IL36B: variants seen among roughly 807,000 people sequenced by gnomAD.
The protein encoded by IL36B is interleukin-36 beta.
Under a neutral mutation model 19.3 loss-of-function variants are expected in IL36B, and 23 were observed. That is an observed-to-expected ratio of 1.19 (90% confidence interval 0.86 to 1.69). The LOEUF (loss-of-function observed/expected upper bound fraction) is 1.69, where lower values mean the gene tolerates loss of function less well. IL36B is among the 40% of genes most tolerant of loss of function. IL36B has a pLI of 0.00. For synonymous variants in IL36B, 59 were observed against 59.7 expected (o/e 0.99, Z 0.05); for missense variants, 217 against 200.5 (o/e 1.08, Z -0.50).
chr2:113,025,038 G>A (rs770684479), intron 5 of IL36B, among the ~76,000 whole-genome samples: 2 of 152,130 alleles, frequency 1.3e-5, no homozygotes, highest in African/African-American at 2.4e-5. Context: ...AATACATGTG[G>A]GGAAAGGCTT....
intron 4 of IL36B, among the ~76,000 whole-genome samples, chr2:113,026,962 A>G (rs1328491028): frequency 6.6e-6 from 1 of 152,224 alleles, no homozygotes; most frequent in Non-Finnish European, 1.5e-5. Flanking sequence ...AAATTCATGT[A>G]TAACTGTTGA....
At chr2:113,041,617 T>C (rs1287387344) in intron 1 of IL36B, among the ~76,000 whole-genome samples, 6 of 152,214 alleles carry the variant, frequency 3.9e-5, no homozygotes, top group African/African-American at 1.4e-4. Flanking sequence ...AATAAAAACT[T>C]ACTTATTAGG....
rs1159414648 is a variant in IL36B at position 113,031,679 on chromosome 2, T to C, written c.13+18A>G. The stretch of plus-strand genomic sequence containing the variant: ...CAGATGGAGATATTTCCAAGCTGAT[T>C]TGCAATTCACCACTTACGTTGTGGG... On this transcript the variant is annotated intron_variant, in intron 2 of 5. Transcript: ENST00000259213. 4.4e-6 allele frequency: 7 copies of C among 1,605,192 alleles called. No individual in the cohort carries two copies. In the African/African-American group the frequency reaches 9.4e-5, roughly 21 times the overall value.
chr2:113,026,669 A>C (rs549190390), intron 4 of IL36B, among the ~76,000 whole-genome samples: 1 of 152,364 alleles, frequency 6.6e-6, no homozygotes, highest in South Asian at 2.1e-4. Flanking sequence ...CAACTGGCTT[A>C]AAAGTATCCC....
At chr2:113,031,026 A>C in intron 3 of IL36B, 22 bp downstream of exon 3, 3 of 1,528,156 alleles carry the variant, frequency 2.0e-6, no homozygotes, top group Admixed American at 1.7e-5. Flanking sequence ...AAGAAGCAAC[A>C]GTGGGTTTGA....
At chr2:113,037,746 A>G (rs900874128) in intron 1 of IL36B, among the ~76,000 whole-genome samples, 3 of 151,750 alleles carry the variant, frequency 2.0e-5, no homozygotes, top group African/African-American at 7.3e-5. Flanking sequence ...TATCCTTATG[A>G]TTGTCCTTTA....
Position 113,031,760 on chromosome 2 carries a change from G to A in IL36B, c.-51C>T. ...AGAACAAGATAGATCAGATGGTGGT[G>A]AGGAGGCTGTTAACAGTTGGCCATG... On this transcript the variant is annotated 5_prime_UTR_variant, in exon 2 of 6. Transcript: ENST00000259213. 1.3e-6 allele frequency: 2 copies of A among 1,485,644 alleles called. No individual in the cohort carries two copies. The highest frequency in any genetic ancestry group is 1.9e-6 in the Non-Finnish European group (2 of 1,066,924). 92.0% of individuals were successfully genotyped at this position (1,485,644 alleles called of 1,614,324 possible).
intron 4 of IL36B, chr2:113,028,107 A>AT (rs1317902004): frequency 3.1e-6 from 5 of 1,613,498 alleles, no homozygotes; most frequent in East Asian, 4.5e-5. Flanking sequence ...GGTCCATGAT[A>AT]TTTTTTTCCT....
At chr2:113,041,580 A>AG (rs1002731193) in intron 1 of IL36B, among the ~76,000 whole-genome samples, 24 of 151,626 alleles carry the variant, frequency 1.6e-4, no homozygotes, top group African/African-American at 5.3e-4. Flanking sequence ...CCATGAAAGA[A>AG]ATAAAGATTA....
chr2:113,027,125 C>A (rs529222403), intron 4 of IL36B, among the ~76,000 whole-genome samples: 1 of 152,086 alleles, frequency 6.6e-6, no homozygotes, highest in South Asian at 2.1e-4. Flanking sequence ...TTAAGAAACT[C>A]GTAAGGAAGA....
chr2:113,026,165 A>C lies in IL36B; in HGVS notation c.329T>G (p.Ile110Arg), dbSNP rs1255999946. ...GCAGCTCTCTCTCACATCCAGGTTT[A>C]TGCATGTGTGAATTCCAACTAGTTT... The change falls in exon 5 of 6, where the codon ATA becomes AGA. Residue 110 changes from isoleucine to arginine, a missense_variant. Ile to Arg is a moderately conservative substitution (Grantham distance 97). Transcript: ENST00000259213. The C allele has an allele frequency of 6.2e-7, 1 of 1,613,980 alleles. No individual in the cohort carries two copies. The highest frequency in any genetic ancestry group is 8.5e-7 in the Non-Finnish European group (1 of 1,179,854).
chr2:113,028,288 G>T (rs1171168422), intron 4 of IL36B, among the ~76,000 whole-genome samples, 173 bp from the exon 5 acceptor site: 2 of 152,066 alleles, frequency 1.3e-5, no homozygotes, highest in Non-Finnish European at 1.5e-5. Context: ...GAACTCACTG[G>T]GTTCCCATAG....
At chr2:113,043,538 G>T (rs1685296557) in intron 1 of IL36B, among the ~76,000 whole-genome samples, 1 of 152,086 alleles carries the variant, frequency 6.6e-6, no homozygotes, top group Admixed American at 6.6e-5. Context: ...GTTGAACATG[G>T]TATTTTTTTC....
intron 1 of IL36B, among the ~76,000 whole-genome samples, chr2:113,040,420 T>C (rs1685234541): frequency 6.6e-6 from 1 of 152,180 alleles, no homozygotes; most frequent in Admixed American, 6.5e-5. Flanking sequence ...AGAAGTCTGC[T>C]AAAAATACAC....
intron 1 of IL36B, among the ~76,000 whole-genome samples, chr2:113,043,143 TTTA>T (rs1295562445): frequency 1.3e-5 from 2 of 152,152 alleles, no homozygotes; most frequent in Admixed American, 1.3e-4. Context: ...TTGTTTCCTT[TTTA>T]TTAAGTTTTG....
intron 2 of IL36B, among the ~76,000 whole-genome samples, chr2:113,031,453 A>T (rs1452376074): frequency 6.6e-6 from 1 of 152,242 alleles, no homozygotes; most frequent in East Asian, 1.9e-4. Flanking sequence ...CATAATATTT[A>T]AATTAGTTAT....
chr2:113,027,572 G>A (rs1015876122), intron 4 of IL36B: 46 of 1,109,352 alleles, frequency 4.1e-5, no homozygotes, highest in Non-Finnish European at 5.1e-5. Context: ...TACATCATGG[G>A]TTGGCAAAAG....
At chr2:113,026,339 A>G (rs1379892486) in intron 4 of IL36B, 5 of 1,518,370 alleles carry the variant, frequency 3.3e-6, no homozygotes, top group Non-Finnish European at 3.5e-6. Context: ...TGCATACAGC[A>G]TGTAAGGTGG....
At chr2:113,023,784 G>C (rs1252897156) in intron 5 of IL36B, among the ~76,000 whole-genome samples, 2 of 152,164 alleles carry the variant, frequency 1.3e-5, no homozygotes, top group Non-Finnish European at 2.9e-5. Flanking sequence ...ACTCAAACTA[G>C]TAAGGTAGTT....
Sources: allele counts gnomAD v4.1 joint callset (sites outside exome capture counted in the v4.1 genomes callset), GRCh38; gene constraint gnomAD v4.1.1; transcripts MANE v1.5; gene names NCBI Gene and HGNC (gene_info 2026-07-23, HGNC 2026-07-21).